MAP2K1: variants seen among roughly 807,000 people sequenced by gnomAD.
MAP2K1 encodes mitogen-activated protein kinase kinase 1, also known as dual specificity mitogen-activated protein kinase kinase 1.
A neutral mutation model predicts 46.3 loss-of-function variants in MAP2K1; 16 were observed. That is an observed-to-expected ratio of 0.35 (90% confidence interval 0.23 to 0.52). The LOEUF is 0.52. Ranked by LOEUF, MAP2K1 falls within the 20% of genes least tolerant of loss-of-function variation. The pLI, the probability that MAP2K1 is intolerant of heterozygous loss-of-function variation, is 0.94. For synonymous variants in MAP2K1, 183 were observed against 185.6 expected, an observed-to-expected ratio of 0.99 and a Z score of 0.11; for missense variants, 263 against 497.1, an observed-to-expected ratio of 0.53 and a Z score of 4.48.
chr15:66,467,040 G>T (rs929663841), intron 5 of MAP2K1, among the ~76,000 whole-genome samples: 1 of 152,110 alleles, frequency 6.6e-6, no homozygotes, highest in Non-Finnish European at 1.5e-5. Context: ...TTTGAGACCA[G>T]CCTGGCCAAC....
In MAP2K1 at chr15:66,387,619, TC is replaced by T. The variant is rs145028363; in HGVS notation, c.80+195del. On this transcript the variant is annotated intron_variant, in intron 1 of 10. Transcript: ENST00000307102. ...TTCCTGACTCAGACCAGTTAGCGGA[TC>T]CCGCGGGTCTCCATTCCTCTCTGTA... 0.058 allele frequency among the ~76,000 whole-genome samples: 8,786 copies of T among 152,168 alleles called. 815 individuals carry two copies. The highest frequency in any genetic ancestry group is 0.2 in the African/African-American group (8,265 of 41,458).
intron 1 of MAP2K1, among the ~76,000 whole-genome samples, chr15:66,428,125 T>TA (rs1307976239): frequency 4.6e-5 from 7 of 152,070 alleles, no homozygotes; most frequent in Non-Finnish European, 8.8e-5. Context: ...TTATGTATCA[T>TA]AAAAGCATAG....
rs552846577 is a variant in MAP2K1, at chr15:66,460,944, C to T, written c.568+16237C>T. Among the ~76,000 whole-genome samples the T allele has an allele frequency of 8.5e-5, 13 of 152,180 alleles. No individual in the cohort carries two copies. In the East Asian group the frequency reaches 1.4e-3, roughly 16 times the overall value. On this transcript the variant is annotated intron_variant, in intron 5 of 10. Transcript: ENST00000307102. Reference sequence around the variant, plus strand: ...TGGGAAGGAGCCTGAGGCCCATGGCCGTGCTCCAGGGCTGTACGTGGAGAG... The same window carrying T: ...TGGGAAGGAGCCTGAGGCCCATGGCTGTGCTCCAGGGCTGTACGTGGAGAG...
intron 5 of MAP2K1, 153 bp downstream of exon 5, chr15:66,444,860 G>C: frequency 1.4e-6 from 1 of 696,438 alleles, no homozygotes; most frequent in South Asian, 1.7e-5. Flanking sequence ...TTTGGTGGCT[G>C]AGGCAGCAAC....
At chr15:66,472,612 C>T (rs35771331) in intron 5 of MAP2K1, among the ~76,000 whole-genome samples, 8,561 of 152,266 alleles carry the variant, frequency 0.056, 345 homozygotes, top group Middle Eastern at 0.11. Flanking sequence ...GTGTCAGTCT[C>T]CACCTTAAGC....
intron 1 of MAP2K1, among the ~76,000 whole-genome samples, chr15:66,393,182 CTTT>C (rs34725770): frequency 6.9e-6 from 1 of 144,050 alleles, no homozygotes; most frequent in Non-Finnish European, 1.5e-5. Context: ...TTCTCTCTCT[CTTT>C]TTTTTTTTTT....
chr15:66,466,329 C>T (rs1005240697), intron 5 of MAP2K1, among the ~76,000 whole-genome samples: 12 of 152,314 alleles, frequency 7.9e-5, no homozygotes, highest in African/African-American at 2.9e-4. Context: ...CTGGAGTAAT[C>T]AGGTAGAGAG....
chr15:66,403,538 A>G (rs1040726963), intron 1 of MAP2K1, among the ~76,000 whole-genome samples: 1 of 152,090 alleles, frequency 6.6e-6, no homozygotes, highest in Non-Finnish European at 1.5e-5. Flanking sequence ...GAATTGACCT[A>G]TTTTGAGTTT....
intron 1 of MAP2K1, among the ~76,000 whole-genome samples, chr15:66,401,369 CT>C (rs954430955): frequency 6.6e-6 from 1 of 151,422 alleles, no homozygotes; most frequent in Non-Finnish European, 1.5e-5. Context: ...AGCCTCAGAA[CT>C]TTTTTTTTCA....
intron 5 of MAP2K1, among the ~76,000 whole-genome samples, chr15:66,449,756 C>A (rs1252823422): frequency 2.0e-5 from 3 of 152,026 alleles, no homozygotes. Context: ...TGGTGGGCGC[C>A]TATAATCCCA....
intron 5 of MAP2K1, among the ~76,000 whole-genome samples, chr15:66,460,004 G>A (rs1462783427): frequency 1.3e-5 from 2 of 152,202 alleles, no homozygotes; most frequent in East Asian, 3.8e-4. Flanking sequence ...CTATCTGTGT[G>A]TGACTAAGGA....
intron 8 of MAP2K1, chr15:66,488,581 C>T (rs1435972636): frequency 5.7e-6 from 1 of 175,750 alleles, no homozygotes; most frequent in Non-Finnish European, 1.2e-5. Flanking sequence ...TATAGTGCTG[C>T]ATGATCACCA....
At chr15:66,429,489 C>T (rs536093121) in intron 1 of MAP2K1, among the ~76,000 whole-genome samples, 1 of 152,256 alleles carries the variant, frequency 6.6e-6, no homozygotes, top group South Asian at 2.1e-4. Context: ...ATACTCTTTT[C>T]GTGCCTGGCT....
chr15:66,487,346 A>G (rs1893067467), intron 8 of MAP2K1, 54 bp downstream of exon 8: 31 of 1,555,228 alleles, frequency 2.0e-5, no homozygotes, highest in Non-Finnish European at 2.7e-5. Flanking sequence ...ATCTTAAGAA[A>G]ACACCCAGGT....
intron 1 of MAP2K1, among the ~76,000 whole-genome samples, chr15:66,399,233 TTTAG>T (rs1245546749): frequency 2.0e-5 from 3 of 152,256 alleles, no homozygotes; most frequent in Non-Finnish European, 2.9e-5. Flanking sequence ...AGTTGTTTTG[TTTAG>T]TTAGAGTTTT....
intron 1 of MAP2K1, among the ~76,000 whole-genome samples, chr15:66,405,363 C>T (rs1296144193): frequency 1.3e-5 from 2 of 152,214 alleles, no homozygotes; most frequent in Non-Finnish European, 2.9e-5. Context: ...GCACTGCCCA[C>T]ATTTCAAGGG....
intron 1 of MAP2K1, among the ~76,000 whole-genome samples, chr15:66,414,104 G>A (rs142151541): frequency 2.0e-5 from 3 of 152,042 alleles, no homozygotes; most frequent in African/African-American, 2.4e-5. Context: ...AGCTCCACAC[G>A]TAGAGCCTGC....
At chr15:66,405,345 C>T (rs542560768) in intron 1 of MAP2K1, among the ~76,000 whole-genome samples, 1 of 152,278 alleles carries the variant, frequency 6.6e-6, no homozygotes, top group East Asian at 1.9e-4. Context: ...AAAATCAGTT[C>T]CTAGGTTGCA....
At chr15:66,406,309 G>T (rs750568574) in intron 1 of MAP2K1, among the ~76,000 whole-genome samples, 27 of 152,048 alleles carry the variant, frequency 1.8e-4, no homozygotes, top group Non-Finnish European at 2.9e-4. Flanking sequence ...GCCTCAGTGT[G>T]GATCATACTT....
Sources: allele counts gnomAD v4.1 joint callset (sites outside exome capture counted in the v4.1 genomes callset), GRCh38; gene constraint gnomAD v4.1.1; transcripts MANE v1.5; gene names NCBI Gene and HGNC (gene_info 2026-07-23, HGNC 2026-07-21).